The following SLC5A5 variants were observed in gnomAD, a reference collection of about 807,000 sequenced individuals.
The protein encoded by SLC5A5 is solute carrier family 5 member 5, also known as sodium/iodide cotransporter.
SLC5A5 carries 56 observed loss-of-function variants against 68.6 expected under a neutral mutation model. The observed-to-expected ratio is 0.82, with a 90% CI of 0.66 to 1.02. SLC5A5 has a LOEUF of 1.02. Ranked by LOEUF, SLC5A5 falls within the 50% of genes least tolerant of loss-of-function variation. The pLI, the probability that SLC5A5 is intolerant of heterozygous loss-of-function variation, is 0.00. For synonymous variants in SLC5A5, 398 were observed against 373.0 expected (o/e 1.07, Z -0.77); for missense variants, 807 against 859.8 (o/e 0.94, Z 0.77).
intron 14 of SLC5A5, among the ~76,000 whole-genome samples, chr19:17,891,509 T>A (rs2147755689): frequency 6.6e-6 from 1 of 152,236 alleles, no homozygotes; most frequent in Non-Finnish European, 1.5e-5. Flanking sequence ...CCCAGCCTCA[T>A]CTTCAAGTTT....
rs990832139 is a variant in SLC5A5 at position 17,874,440 on chromosome 19, C to T, written c.424-54C>T. 200 of 1,561,398 alleles carry T rather than the reference C, an allele frequency of 1.3e-4. 1 individual carries two copies. Among genetic ancestry groups the T allele is most frequent in the Admixed American group, 8.5e-4 (51 of 59,888 alleles). Reference sequence around the variant, plus strand: ...CCACCCTTCTGCCTCCTCTCCCCATCCCCAACTCGCCCAGACGCCCTCCCT... The same window carrying T: ...CCACCCTTCTGCCTCCTCTCCCCATTCCCAACTCGCCCAGACGCCCTCCCT... On this transcript the variant is annotated intron_variant, in intron 2 of 14. Coordinates refer to ENST00000222248, the MANE Select transcript of SLC5A5 (RefSeq NM_000453.3).
chr19:17,879,977 G>T (rs1191836403), intron 7 of SLC5A5, among the ~76,000 whole-genome samples: 9 of 151,714 alleles, frequency 5.9e-5, no homozygotes, highest in Admixed American at 2.0e-4. Flanking sequence ...TCAGCTCACT[G>T]CAACCTCTGG....
intron 12 of SLC5A5, among the ~76,000 whole-genome samples, chr19:17,885,102 G>A (rs974165119): frequency 1.3e-5 from 2 of 151,288 alleles, no homozygotes; most frequent in Non-Finnish European, 2.9e-5. Flanking sequence ...AACCTCCTGG[G>A]CTCAAGGAAT....
At chr19:17,889,123 G>A (rs563253462) in intron 13 of SLC5A5, among the ~76,000 whole-genome samples, 10 of 151,996 alleles carry the variant, frequency 6.6e-5, no homozygotes, top group Non-Finnish European at 1.0e-4. Context: ...TCGACTGGGC[G>A]TAGTGGCTCA....
rs1480261663 is a variant in SLC5A5, at chr19:17,872,287, C to A, written c.-33C>A. 7.8e-7 allele frequency: 1 copy of A among 1,276,896 alleles called. No homozygotes were observed. 79.1% of individuals were successfully genotyped at this position (1,276,896 alleles called of 1,614,324 possible). ...TCCCCCGCTTGAGCACGCAGGGCGT[C>A]CGAGGACGCGCTGGGCCTCCGCACC... On this transcript the variant is annotated 5_prime_UTR_variant, in exon 1 of 15. Coordinates refer to ENST00000222248, the MANE Select transcript of SLC5A5 (RefSeq NM_000453.3).
At chr19:17,883,604 C>A in intron 10 of SLC5A5, 77 bp from the exon 11 acceptor site, 1 of 1,233,632 alleles carries the variant, frequency 8.1e-7, no homozygotes, top group Non-Finnish European at 1.2e-6. Context: ...TGAGGTCTCG[C>A]TTTCCCAGCG....
chr19:17,882,314 G>T, intron 10 of SLC5A5, 95 bp downstream of exon 10: 1 of 956,880 alleles, frequency 1.0e-6, no homozygotes, highest in Non-Finnish European at 1.7e-6. Flanking sequence ...GGTCACATGT[G>T]TCAGTGGCAG....
intron 14 of SLC5A5, among the ~76,000 whole-genome samples, chr19:17,892,500 G>A (rs568440329): frequency 1.5e-3 from 226 of 152,156 alleles, no homozygotes; most frequent in South Asian, 2.1e-3. Flanking sequence ...AGCCGGGTGT[G>A]GTGGTGCATG....
chr19:17,877,459 G>A (rs774536640), intron 5 of SLC5A5, among the ~76,000 whole-genome samples: 4 of 151,860 alleles, frequency 2.6e-5, no homozygotes, highest in Non-Finnish European at 4.4e-5. Flanking sequence ...AGAGGCACCC[G>A]CCATTATTCC....
rs2094327902 is a variant in SLC5A5, at chr19:17,884,065, A to AG, written c.1526+25dup. Reference sequence around the variant, plus strand: ...CCCCCAGGTGAGCAGACTTGAGGGTAGGGGGGTACCCGAGCCCTGGATGGT... The same window carrying AG: ...CCCCCAGGTGAGCAGACTTGAGGGTAGGGGGGGTACCCGAGCCCTGGATGGT... On this transcript the variant is annotated intron_variant, in intron 12 of 14. Transcript: ENST00000222248. The AG allele has an allele frequency of 6.5e-7, 1 of 1,544,850 alleles. No homozygotes were observed. The highest frequency in any genetic ancestry group is 8.7e-7 in the Non-Finnish European group (1 of 1,146,488).
At position 17,875,938 on chromosome 19, in the gene SLC5A5, G is replaced by C; in HGVS notation, c.544-14G>C. The C allele has an allele frequency of 2.5e-6, 4 of 1,614,038 alleles. No individual in the cohort carries two copies. Among genetic ancestry groups the C allele is most frequent in the Non-Finnish European group, 3.4e-6 (4 of 1,179,978 alleles). ...TCTAACCGCCCCTCTCCCTCTCTCT[G>C]TCCCATGCTGCAGGGCGGCATGAAG... On this transcript the variant is annotated splice_polypyrimidine_tract_variant and intron_variant, in intron 4 of 14. Coordinates refer to ENST00000222248, the MANE Select transcript of SLC5A5 (RefSeq NM_000453.3).
rs950233598 is a variant in SLC5A5 at position 17,872,856 on chromosome 19, C to T, written c.357+180C>T. ...GGGTTCTAGGAAGAGGCCCCAGGCG[C>T]CCGGCGAGGGGCAGGAAGGAGGAAG... On this transcript the variant is annotated intron_variant, in intron 1 of 14. Transcript: ENST00000222248. Among the ~76,000 whole-genome samples, 15 of 152,244 alleles carry T rather than the reference C, an allele frequency of 9.9e-5. No homozygotes were observed. In the South Asian group the frequency reaches 1.7e-3, roughly 17 times the overall value.
chr19:17,877,932 T>C, intron 6 of SLC5A5, 32 bp from the exon 7 acceptor site: 2 of 1,613,754 alleles, frequency 1.2e-6, no homozygotes, highest in African/African-American at 2.7e-5. Context: ...CCTGAGGCTA[T>C]CCCCTAAGCC....
At position 17,890,761 on chromosome 19, in the gene SLC5A5, T is replaced by G. The variant is rs940040968; in HGVS notation, c.1652-125T>G. The G allele has an allele frequency of 5.3e-6, 4 of 753,932 alleles. No homozygotes were observed. In the African/African-American group the frequency reaches 6.9e-5, roughly 13 times the overall value. The allele number at this position is 753,932 out of a possible 1,614,324, so 46.7% of individuals were successfully genotyped here. On this transcript the variant is annotated intron_variant, in intron 13 of 14. Transcript: ENST00000222248. ...TCAGAGGCTTGCCAGGGTCCCTTAG[T>G]GGGACTGGAGCCTGTTAGACTTCAT...
In SLC5A5 at chr19:17,883,833, G is replaced by C; in HGVS notation, c.1330-17G>C. 2 of 1,603,474 alleles carry C rather than the reference G, an allele frequency of 1.2e-6. No individual in the cohort carries two copies. The highest frequency in any genetic ancestry group is 1.1e-5 in the South Asian group (1 of 90,402). On this transcript the variant is annotated splice_polypyrimidine_tract_variant and intron_variant, in intron 11 of 14. Transcript: ENST00000222248. ...GGACAGGCCCCTCCCCTTCCCTGAC[G>C]CCGGCTCTGCCCCCAGGGCGTCCTC...
In SLC5A5 at chr19:17,883,831, A is replaced by C; in HGVS notation, c.1330-19A>C. On this transcript the variant is annotated intron_variant, in intron 11 of 14. Transcript: ENST00000222248. The stretch of plus-strand genomic sequence containing the variant: ...CCGGACAGGCCCCTCCCCTTCCCTG[A>C]CGCCGGCTCTGCCCCCAGGGCGTCC... The C allele has an allele frequency of 6.2e-7, 1 of 1,604,490 alleles. No individual in the cohort carries two copies. Among genetic ancestry groups the C allele is most frequent in the African/African-American group, 1.3e-5 (1 of 74,750 alleles).
intron 13 of SLC5A5, among the ~76,000 whole-genome samples, chr19:17,889,468 G>A (rs1184373750): frequency 6.7e-6 from 1 of 148,638 alleles, no homozygotes. Flanking sequence ...GAGAGAGAAG[G>A]AGAGAAAGAG....
chr19:17,884,847 C>G (rs1568424345), intron 12 of SLC5A5, among the ~76,000 whole-genome samples: 2 of 148,650 alleles, frequency 1.3e-5, no homozygotes, highest in Non-Finnish European at 3.0e-5. Context: ...AACGTTTCCT[C>G]TTTTTTTTTT....
intron 5 of SLC5A5, among the ~76,000 whole-genome samples, chr19:17,876,601 C>T (rs539877642): frequency 2.8e-4 from 42 of 148,726 alleles, no homozygotes; most frequent in Non-Finnish European, 4.3e-4. Flanking sequence ...CGGTGGCTCA[C>T]GCCTGTAATC....
Sources: gnomAD v4.1 joint callset for allele counts (sites outside exome capture counted in the v4.1 genomes callset) on GRCh38, gnomAD v4.1.1 for gene constraint, MANE v1.5 for transcripts, NCBI Gene and HGNC (gene_info 2026-07-23, HGNC 2026-07-21) for gene names.